The following AKAP7 variants were observed in gnomAD, a reference collection of about 807,000 sequenced individuals.
AKAP7 encodes A-kinase anchoring protein 7, also known as A kinase (PRKA) anchor protein 7.
In AKAP7, 39 loss-of-function variants were observed where a neutral mutation model predicts 39.5. The ratio of observed to expected loss-of-function variants is 0.99; its 90% CI spans 0.76 to 1.29. The LOEUF (loss-of-function observed/expected upper bound fraction) is 1.29. AKAP7 is among the 50% of genes most tolerant of loss of function. AKAP7 has a pLI of 0.00. For synonymous variants in AKAP7, 140 were observed against 139.1 expected, an observed-to-expected ratio of 1.01 and a Z score of -0.05; for missense variants, 414 against 407.7, an observed-to-expected ratio of 1.02 and a Z score of -0.13.
chr6:131,262,869 A>G (rs941277024), intron 7 of AKAP7, among the ~76,000 whole-genome samples: 1 of 152,346 alleles, frequency 6.6e-6, no homozygotes, highest in Middle Eastern at 3.4e-3. Flanking sequence ...CTGTCAATCT[A>G]TGATATAGGG....
intron 7 of AKAP7, among the ~76,000 whole-genome samples, chr6:131,246,828 GA>G (rs1282992881): frequency 2.0e-5 from 3 of 152,180 alleles, no homozygotes; most frequent in Non-Finnish European, 4.4e-5. Flanking sequence ...ATAATATTTT[GA>G]AATTGTGGTA....
At chr6:131,205,730 A>G (rs1214456580) in intron 6 of AKAP7, among the ~76,000 whole-genome samples, 2 of 152,326 alleles carry the variant, frequency 1.3e-5, no homozygotes, top group South Asian at 2.1e-4. Context: ...CATTTAGTCA[A>G]TGTGTCAGCT....
intron 6 of AKAP7, among the ~76,000 whole-genome samples, chr6:131,201,443 G>T (rs930431907): frequency 6.6e-6 from 1 of 151,964 alleles, no homozygotes; most frequent in African/African-American, 2.4e-5. Context: ...AATTATGATT[G>T]TTTTTTTCTT....
intron 7 of AKAP7, among the ~76,000 whole-genome samples, chr6:131,229,186 CAAGT>C (rs1810437637): frequency 6.6e-6 from 1 of 152,152 alleles, no homozygotes; most frequent in South Asian, 2.1e-4. Context: ...TGCAAATAAA[CAAGT>C]AAACCTGTCA....
chr6:131,164,997 C>T (rs1225622069), intron 3 of AKAP7, 84 bp from the exon 4 acceptor site: 7 of 1,122,026 alleles, frequency 6.2e-6, no homozygotes, highest in Non-Finnish European at 4.9e-6. Context: ...GCTTATTTTT[C>T]TTCTTGATTT....
At chr6:131,279,385 C>T (rs768382243) in intron 7 of AKAP7, among the ~76,000 whole-genome samples, 1 of 152,164 alleles carries the variant, frequency 6.6e-6, no homozygotes, top group Non-Finnish European at 1.5e-5. Flanking sequence ...TCTCCTGCCT[C>T]AGCCCCCTGA....
intron 3 of AKAP7, among the ~76,000 whole-genome samples, chr6:131,162,935 G>A (rs118127612): frequency 1.3e-5 from 2 of 152,262 alleles, no homozygotes; most frequent in African/African-American, 2.4e-5. Flanking sequence ...AAGGTTTTTA[G>A]TGCATGCCCA....
intron 7 of AKAP7, among the ~76,000 whole-genome samples, chr6:131,258,639 C>A (rs1585193917): frequency 6.6e-6 from 1 of 152,290 alleles, no homozygotes; most frequent in Non-Finnish European, 1.5e-5. Flanking sequence ...TGGTAAAGTT[C>A]TTTGCCCTTA....
chr6:131,207,987 C>G (rs754412651), intron 6 of AKAP7, among the ~76,000 whole-genome samples: 37 of 152,150 alleles, frequency 2.4e-4, no homozygotes, highest in Non-Finnish European at 4.7e-4. Context: ...TAATTACTCA[C>G]AGTTTTTAGT....
chr6:131,217,684 AC>A (rs754772393), intron 6 of AKAP7, among the ~76,000 whole-genome samples: 14 of 152,200 alleles, frequency 9.2e-5, no homozygotes, highest in Admixed American at 4.6e-4. Flanking sequence ...GTTAGCGTTT[AC>A]CTTTTGCTGA....
At chr6:131,253,123 C>G (rs774932996) in intron 7 of AKAP7, 2 of 1,603,198 alleles carry the variant, frequency 1.2e-6, no homozygotes, top group South Asian at 2.2e-5. Context: ...TCAAGTGACC[C>G]CTCCCCTCTC....
At chr6:131,260,662 C>A (rs1704283894) in intron 7 of AKAP7, among the ~76,000 whole-genome samples, 1 of 151,876 alleles carries the variant, frequency 6.6e-6, no homozygotes, top group Non-Finnish European at 1.5e-5. Context: ...TTGTTTTTTT[C>A]TTGTAAATTT....
chr6:131,223,139 A>C (rs574426035), intron 7 of AKAP7, among the ~76,000 whole-genome samples: 9 of 152,336 alleles, frequency 5.9e-5, no homozygotes, highest in African/African-American at 2.2e-4. Flanking sequence ...ATGAAACATA[A>C]TTTTATATGT....
intron 6 of AKAP7, among the ~76,000 whole-genome samples, chr6:131,205,280 C>T (rs1231501882): frequency 6.6e-6 from 1 of 151,996 alleles, no homozygotes; most frequent in Non-Finnish European, 1.5e-5. Flanking sequence ...GATTCAAAGT[C>T]AGAGCTATCA....
chr6:131,263,367 C>T (rs562621306), intron 7 of AKAP7, among the ~76,000 whole-genome samples: 80 of 152,238 alleles, frequency 5.3e-4, no homozygotes, highest in Middle Eastern at 3.4e-3. Context: ...ATATGACTTC[C>T]AGCATTTCTG....
chr6:131,191,851 T>C (rs1442425264), intron 5 of AKAP7, among the ~76,000 whole-genome samples: 3 of 151,572 alleles, frequency 2.0e-5, no homozygotes, highest in Non-Finnish European at 4.4e-5. Flanking sequence ...TGGTGTTTTT[T>C]TTTTTTTTTT....
intron 7 of AKAP7, among the ~76,000 whole-genome samples, chr6:131,238,975 A>G (rs1307382606): frequency 6.6e-6 from 1 of 152,126 alleles, no homozygotes; most frequent in Non-Finnish European, 1.5e-5. Context: ...TATTTTGCTC[A>G]TTAGTTGATG....
At chr6:131,152,869 C>T (rs1033591305) in intron 2 of AKAP7, among the ~76,000 whole-genome samples, 2 of 149,630 alleles carry the variant, frequency 1.3e-5, no homozygotes, top group East Asian at 2.0e-4. Flanking sequence ...TGGCTCACGC[C>T]GGTAATCCCA....
At chr6:131,197,625 A>G (rs1807067761) in intron 5 of AKAP7, among the ~76,000 whole-genome samples, 1 of 152,044 alleles carries the variant, frequency 6.6e-6, no homozygotes, top group East Asian at 1.9e-4. Flanking sequence ...TTTCAAATTT[A>G]CCAATATTTT....
Sources: allele counts gnomAD v4.1 joint callset (sites outside exome capture counted in the v4.1 genomes callset), GRCh38; gene constraint gnomAD v4.1.1; transcripts MANE v1.5; gene names NCBI Gene and HGNC (gene_info 2026-07-23, HGNC 2026-07-21).